The following FEZ1 variants were observed in gnomAD, a reference collection of about 807,000 sequenced individuals.
FEZ1 encodes fasciculation and elongation protein zeta-1.
FEZ1 carries 20 observed loss-of-function variants against 49.3 expected under a neutral mutation model. That is an observed-to-expected ratio of 0.41 (90% confidence interval 0.29 to 0.59). The LOEUF (loss-of-function observed/expected upper bound fraction) is 0.59. Among genes scored for constraint, FEZ1 ranks in the 20% least tolerant of loss-of-function variants. The probability of loss-of-function intolerance (pLI) is 0.36; values close to 1 mark genes in which losing one functional copy is unlikely to be tolerated. For synonymous variants in FEZ1, 170 were observed against 180.9 expected (o/e 0.94, Z 0.48); for missense variants, 413 against 476.0 (o/e 0.87, Z 1.23).
rs145526761 is a variant in FEZ1, at chr11:125,460,559, C to T, written c.606G>A (p.Ser202=). ...ATGCCTGCATCTCCTGCAGGAGGACCGAGTCTGCCTGGGAGGAAGTTTCTC... is the reference window on the plus strand; with the variant it reads ...ATGCCTGCATCTCCTGCAGGAGGACTGAGTCTGCCTGGGAGGAAGTTTCTC... ...DGGETSSQAD[S]VLLQEMQALT... The change falls in exon 5 of 10, where the codon TCG becomes TCA. Residue 202 remains serine, a synonymous_variant. Coordinates refer to ENST00000278919, the MANE Select transcript of FEZ1 (RefSeq NM_005103.5). The T allele has an allele frequency of 3.1e-4, 494 of 1,614,024 alleles. No individual in the cohort carries two copies. Among genetic ancestry groups the T allele is most frequent in the Admixed American group, 4.5e-4 (27 of 60,000 alleles).
chr11:125,454,012 C>G (rs1956983270), intron 7 of FEZ1, 118 bp downstream of exon 7: 2 of 602,622 alleles, frequency 3.3e-6, no homozygotes, highest in Non-Finnish European at 5.7e-6. Flanking sequence ...GTTAGGACCC[C>G]TAACCCCCTA....
chr11:125,489,490 C>T lies in FEZ1; in HGVS notation c.288G>A (p.Glu96=). 6.2e-7 allele frequency: 1 copy of T among 1,613,706 alleles called. No individual in the cohort carries two copies. The highest frequency in any genetic ancestry group is 8.5e-7 in the Non-Finnish European group (1 of 1,179,836). The part of the protein sequence containing the change: ...PVKNQLQIQE[E]EETLQDEEVW... ...ACTCCTCGTCCTGAAGGGTCTCCTC[C>T]TCCTCTTGGATCTGTAACTGGTTCT... The change falls in exon 2 of 10, where the codon GAG becomes GAA. Residue 96 remains glutamate, a synonymous_variant. Coordinates refer to ENST00000278919, the MANE Select transcript of FEZ1 (RefSeq NM_005103.5). This position sits in a 1 kb window ranked among gnomAD's most constrained non-coding sequence, Gnocchi z 4.2.
At chr11:125,454,109 G>C in intron 7 of FEZ1, 21 bp downstream of exon 7, 1 of 1,589,764 alleles carries the variant, frequency 6.3e-7, no homozygotes, top group Non-Finnish European at 8.6e-7. Flanking sequence ...AGAGAGCTTG[G>C]AGCAGGGAGA....
chr11:125,462,218 T>G (rs1254254000), intron 4 of FEZ1, among the ~76,000 whole-genome samples: 1 of 152,250 alleles, frequency 6.6e-6, no homozygotes, highest in Non-Finnish European at 1.5e-5. Flanking sequence ...TTGTGGAAAC[T>G]TATGTAGTGT....
At chr11:125,490,764 T>C (rs1426930515) in intron 1 of FEZ1, among the ~76,000 whole-genome samples, 8 of 152,254 alleles carry the variant, frequency 5.3e-5, no homozygotes, top group African/African-American at 1.2e-4. Flanking sequence ...CTGAGTTGTT[T>C]TTGTTTCGTT....
At chr11:125,490,522 T>C (rs1334447996) in intron 1 of FEZ1, among the ~76,000 whole-genome samples, 2 of 152,174 alleles carry the variant, frequency 1.3e-5, no homozygotes, top group Non-Finnish European at 2.9e-5. Flanking sequence ...TAAGGGTTTG[T>C]ATACCTAGAT....
chr11:125,446,896 T>C (rs1956904431), intron 9 of FEZ1, among the ~76,000 whole-genome samples: 2 of 151,996 alleles, frequency 1.3e-5, no homozygotes, highest in Admixed American at 1.3e-4. Context: ...GCTGGACAAG[T>C]TATTTTTAAT....
intron 2 of FEZ1, among the ~76,000 whole-genome samples, chr11:125,484,448 C>T (rs1957309584): frequency 6.6e-6 from 1 of 152,170 alleles, no homozygotes; most frequent in Non-Finnish European, 1.5e-5. Context: ...TCGGTATGGG[C>T]ATCAGAATAA....
At chr11:125,481,064 A>G (rs1426964846) in intron 3 of FEZ1, among the ~76,000 whole-genome samples, 1 of 151,834 alleles carries the variant, frequency 6.6e-6, no homozygotes, top group Admixed American at 6.6e-5. Context: ...AAAAAAGGAA[A>G]GTAATGGCAG....
intron 7 of FEZ1, chr11:125,453,728 T>A (rs530173515): frequency 6.4e-6 from 1 of 157,182 alleles, no homozygotes; most frequent in Non-Finnish European, 1.4e-5. Context: ...CAACCAGAGC[T>A]GGGAAGCTGC....
chr11:125,446,293 T>C (rs1402009646), intron 9 of FEZ1, among the ~76,000 whole-genome samples, 182 bp from the exon 10 acceptor site: 1 of 152,198 alleles, frequency 6.6e-6, no homozygotes, highest in Non-Finnish European at 1.5e-5. Flanking sequence ...TAACTAAGCG[T>C]GTAGTCTCCG....
chr11:125,459,699 T>C (rs1289145928), intron 5 of FEZ1, among the ~76,000 whole-genome samples: 1 of 152,266 alleles, frequency 6.6e-6, no homozygotes, highest in Non-Finnish European at 1.5e-5. Flanking sequence ...CTAATCATAT[T>C]TCCCTAACAG....
intron 8 of FEZ1, among the ~76,000 whole-genome samples, chr11:125,450,945 A>G (rs529140740): frequency 6.6e-6 from 1 of 152,328 alleles, no homozygotes; most frequent in East Asian, 1.9e-4. Context: ...CTCTAGCTAT[A>G]ATTTTTTTAA....
chr11:125,449,417 T>TA (rs35920814), intron 8 of FEZ1, among the ~76,000 whole-genome samples: 11,862 of 26,962 alleles, frequency 0.44, 3,695 homozygotes, highest in Admixed American at 0.53. Flanking sequence ...TTTGTCTCTA[T>TA]AAAAAAAAAA....
At chr11:125,484,127 C>A (rs1309067908) in intron 2 of FEZ1, among the ~76,000 whole-genome samples, 1 of 151,994 alleles carries the variant, frequency 6.6e-6, no homozygotes, top group African/African-American at 2.4e-5. Flanking sequence ...AGTTGTATAC[C>A]CTTTCCATAC....
chr11:125,474,308 G>A (rs2135767989), intron 3 of FEZ1, among the ~76,000 whole-genome samples: 1 of 151,304 alleles, frequency 6.6e-6, no homozygotes, highest in African/African-American at 2.4e-5. Context: ...AAAGTGCTGG[G>A]ATTACAGACA....
intron 4 of FEZ1, 44 bp downstream of exon 4, chr11:125,463,440 T>C (rs1260329746): frequency 8.4e-6 from 10 of 1,185,244 alleles, no homozygotes; most frequent in Non-Finnish European, 1.3e-5. Flanking sequence ...TTTTTCTCCA[T>C]CAAAAGAACA....
rs1956872350 is a variant in FEZ1 at position 125,443,577 on chromosome 11, A to G, written c.*2518T>C. 6.6e-6 allele frequency among the ~76,000 whole-genome samples: 1 copy of G among 152,188 alleles called. No individual in the cohort carries two copies. Among genetic ancestry groups the G allele is most frequent in the Non-Finnish European group, 1.5e-5 (1 of 68,024 alleles). ...AAAGGGAGACCTTGTTAAAATGCAA[A>G]TTCTGACTTAGTAGGCCTGATGTGG... On this transcript the variant is annotated 3_prime_UTR_variant, in exon 10 of 10. Transcript: ENST00000278919.
chr11:125,465,926 C>T (rs1957125413), intron 3 of FEZ1, among the ~76,000 whole-genome samples: 1 of 152,176 alleles, frequency 6.6e-6, no homozygotes, highest in Admixed American at 6.6e-5. Flanking sequence ...TTACAGACTC[C>T]TTCCCTCCCC....
Sources: gnomAD v4.1 joint callset for allele counts (sites outside exome capture counted in the v4.1 genomes callset) on GRCh38, gnomAD v4.1.1 for gene constraint, Gnocchi (gnomAD v3.1) non-coding constraint, MANE v1.5 for transcripts, NCBI Gene and HGNC (gene_info 2026-07-23, HGNC 2026-07-21) for gene names.